Variants in ANKDD1A observed in about 807,000 individuals in gnomAD.
The protein encoded by ANKDD1A is ankyrin repeat and death domain containing 1A, also known as ankyrin repeat and death domain-containing protein 1A.
Under a neutral mutation model 63.5 loss-of-function variants are expected in ANKDD1A, and 59 were observed. The ratio of observed to expected loss-of-function variants is 0.93; its 90% CI spans 0.75 to 1.15. The LOEUF (loss-of-function observed/expected upper bound fraction) is 1.15, where lower values mean the gene tolerates loss of function less well. Ranked by LOEUF, ANKDD1A falls within the 50% of genes most tolerant of loss-of-function variation. ANKDD1A has a pLI of 0.00. For missense variants in ANKDD1A, 632 were observed against 656.4 expected (o/e 0.96, Z 0.41); for synonymous variants, 266 against 263.9 (o/e 1.01, Z -0.08).
intron 14 of ANKDD1A, among the ~76,000 whole-genome samples, chr15:64,952,541 TCTC>T (rs1004131636): frequency 5.0e-4 from 75 of 148,820 alleles, no homozygotes; most frequent in African/African-American, 1.6e-3. Context: ...TTCTTCTCCT[TCTC>T]CTCCTCCTTC....
intron 1 of ANKDD1A, among the ~76,000 whole-genome samples, 166 bp downstream of exon 1, chr15:64,912,130 AGGGGACCTTGCCAGTGCGTCTGGGACTC>A (rs2140361540): frequency 6.6e-6 from 1 of 152,156 alleles, no homozygotes; most frequent in African/African-American, 2.4e-5. Flanking sequence ...CACTGGGCCG[AGGGGACCTTGCCAGTGCGTCTGGGACTC>A]GGGGACCACA....
chr15:64,930,951 A>C (rs2085085808), intron 7 of ANKDD1A, 31 bp downstream of exon 7: 1 of 1,599,868 alleles, frequency 6.3e-7, no homozygotes, highest in East Asian at 2.2e-5. Context: ...GGCGAGATGC[A>C]TGACCCTTGC....
At chr15:64,914,635 G>A (rs1223211693) in intron 1 of ANKDD1A, among the ~76,000 whole-genome samples, 1 of 152,216 alleles carries the variant, frequency 6.6e-6, no homozygotes, top group Non-Finnish European at 1.5e-5. Context: ...CCCACCTTTG[G>A]GCCTGCTGTG....
chr15:64,926,484 CA>C (rs2085046906), intron 5 of ANKDD1A, among the ~76,000 whole-genome samples: 2 of 151,996 alleles, frequency 1.3e-5, no homozygotes, highest in Admixed American at 6.6e-5. Flanking sequence ...GATTGGAAAT[CA>C]GGGGTTGGAG....
rs1025256199 is a variant in ANKDD1A, at chr15:64,949,738, G to A, written c.1352-103G>A. The A allele has an allele frequency of 2.0e-6, 3 of 1,513,322 alleles. No individual in the cohort carries two copies. The East Asian group carries it at 7.0e-5, about 35-fold the overall frequency. 93.7% of individuals were successfully genotyped at this position (1,513,322 alleles called of 1,614,324 possible). ...GAGGCTTTTGGCCTCTTTCCCACCT[G>A]GGCATGTTCAGGAGGCGGTGCAGGG... On this transcript the variant is annotated intron_variant, in intron 13 of 14. Transcript: ENST00000319580.
chr15:64,943,286 C>A, intron 10 of ANKDD1A, 198 bp from the exon 11 acceptor site: 2 of 570,584 alleles, frequency 3.5e-6, no homozygotes, highest in Non-Finnish European at 3.1e-6. Context: ...CAAAAAGTGT[C>A]ATGTTGGGGT....
chr15:64,954,621 TTTC>T (rs570820363), intron 14 of ANKDD1A, among the ~76,000 whole-genome samples: 1,377 of 86,462 alleles, frequency 0.016, 21 homozygotes, highest in African/African-American at 0.048. Flanking sequence ...TCCTTCCTCT[TTTC>T]TTCTTCCTTT....
chr15:64,950,345 A>C (rs1271047470), intron 14 of ANKDD1A: 1 of 985,310 alleles, frequency 1.0e-6, no homozygotes, highest in Admixed American at 6.1e-5. Context: ...TAGGAGCCAA[A>C]ACTGACTTAA....
chr15:64,915,846 C>A lies in ANKDD1A; in HGVS notation c.84C>A (p.Val28=). The part of the protein sequence containing the change: ...QLHEAARQNN[V]GRMQELIGRR... ...ACGAGGCCGCCCGCCAGAACAATGT[C>A]GGCAGGATGCAGGAGCTGATTGGGA... The change falls in exon 2 of 15, where the codon GTC becomes GTA. Residue 28 remains valine (V), a synonymous_variant. Coordinates refer to ENST00000319580, the MANE Select transcript of ANKDD1A (RefSeq NM_182703.6). 28 of 1,614,058 alleles carry A rather than the reference C, an allele frequency of 1.7e-5. No homozygotes were observed. The highest frequency in any genetic ancestry group is 2.3e-5 in the Non-Finnish European group (27 of 1,179,972).
chr15:64,918,526 C>CTAGA (rs942913717), intron 3 of ANKDD1A, among the ~76,000 whole-genome samples: 8 of 152,312 alleles, frequency 5.3e-5, no homozygotes, highest in Non-Finnish European at 1.2e-4. Flanking sequence ...TGGTGAAACA[C>CTAGA]TAGAGCCTCT....
At chr15:64,915,554 C>T (rs1002743495) in intron 1 of ANKDD1A, among the ~76,000 whole-genome samples, 4 of 152,328 alleles carry the variant, frequency 2.6e-5, no homozygotes, top group Admixed American at 6.5e-5. Flanking sequence ...CCCTGCTCTT[C>T]CATCTTCAGG....
intron 14 of ANKDD1A, among the ~76,000 whole-genome samples, chr15:64,953,615 C>CTTCTTCTTCTTCTTAG (rs1555397854): frequency 5.5e-5 from 6 of 108,910 alleles, no homozygotes; most frequent in African/African-American, 2.2e-4. Context: ...TTCTTCTCTC[C>CTTCTTCTTCTTCTTAG]TTCTTCTTCT....
intron 9 of ANKDD1A, among the ~76,000 whole-genome samples, chr15:64,937,535 TG>T: frequency 6.6e-6 from 1 of 152,186 alleles, no homozygotes; most frequent in East Asian, 1.9e-4. Flanking sequence ...GAGACCAGCC[TG>T]GCCAACATAG....
At chr15:64,953,846 C>A (rs1595860640) in intron 14 of ANKDD1A, among the ~76,000 whole-genome samples, 2 of 13,200 alleles carry the variant, frequency 1.5e-4, no homozygotes, top group Non-Finnish European at 1.0e-3. Context: ...CTCTTCTTTT[C>A]TTCTTTCCTC....
chr15:64,951,943 T>C (rs1483456110), intron 14 of ANKDD1A, among the ~76,000 whole-genome samples: 1 of 145,646 alleles, frequency 6.9e-6, no homozygotes, highest in Non-Finnish European at 1.5e-5. Context: ...CTTTCTTTTC[T>C]TCTTCTTCTT....
intron 14 of ANKDD1A, among the ~76,000 whole-genome samples, chr15:64,954,694 T>C (rs1439772587): frequency 4.0e-5 from 6 of 149,040 alleles, no homozygotes; most frequent in African/African-American, 1.2e-4. Flanking sequence ...TCCTTCTCCT[T>C]GTTCTTCTCC....
intron 12 of ANKDD1A, 61 bp downstream of exon 12, chr15:64,944,808 G>C: frequency 6.3e-7 from 1 of 1,576,646 alleles, no homozygotes; most frequent in Non-Finnish European, 8.7e-7. Context: ...GGCTCCAGAT[G>C]GAGCTGGCTT....
In ANKDD1A at chr15:64,934,158, A is replaced by G. The variant is rs758796632; in HGVS notation, c.791A>G (p.Tyr264Cys). 3.6e-5 allele frequency: 58 copies of G among 1,611,702 alleles called. 3 individuals are homozygous for G. The South Asian group carries it at 5.5e-4, about 15-fold the overall frequency. The part of the protein sequence containing the change: ...LTQKNLSCLH[Y>C]AALSGSEDVS... ...TAGAAAAACCTAAGCTGCCTTCACTATGCAGCCCTCAGTGGCTCGGAGGAT... is the reference window on the plus strand; with the variant it reads ...TAGAAAAACCTAAGCTGCCTTCACTGTGCAGCCCTCAGTGGCTCGGAGGAT... Residue 264 changes from tyrosine to cysteine, a missense_variant, in exon 9 of 15, where the codon TAT (tyrosine) becomes TGT (cysteine). Coordinates refer to ENST00000319580, the MANE Select transcript of ANKDD1A (RefSeq NM_182703.6).
At chr15:64,928,244 T>C (rs1043200291) in intron 6 of ANKDD1A, among the ~76,000 whole-genome samples, 1 of 152,266 alleles carries the variant, frequency 6.6e-6, no homozygotes, top group Non-Finnish European at 1.5e-5. Flanking sequence ...CCTTGGGTTC[T>C]GCACTGAGTC....
Sources: gnomAD v4.1 joint callset for allele counts (sites outside exome capture counted in the v4.1 genomes callset) on GRCh38, gnomAD v4.1.1 for gene constraint, MANE v1.5 for transcripts, NCBI Gene and HGNC (gene_info 2026-07-23, HGNC 2026-07-21) for gene names.